The following IQCJ variants were observed in gnomAD, a reference collection of about 807,000 sequenced individuals.
IQCJ encodes the protein IQ motif containing J.
In IQCJ, 9 loss-of-function variants were observed where a neutral mutation model predicts 11.0. That is an observed-to-expected ratio of 0.82 (90% CI 0.49 to 1.43). The LOEUF (loss-of-function observed/expected upper bound fraction) is 1.43, where lower values mean the gene tolerates loss of function less well. Ranked by LOEUF, IQCJ falls within the 40% of genes most tolerant of loss-of-function variation. IQCJ has a pLI of 0.00. For missense variants in IQCJ, 146 were observed against 133.2 expected, an observed-to-expected ratio of 1.10 and a Z score of -0.47; for synonymous variants, 55 against 51.3, an observed-to-expected ratio of 1.07 and a Z score of -0.31.
At chr3:159,138,126 G>A (rs1047060875) in intron 1 of IQCJ, among the ~76,000 whole-genome samples, 5 of 152,164 alleles carry the variant, frequency 3.3e-5, no homozygotes, top group African/African-American at 9.6e-5. Flanking sequence ...GCACAGTGAC[G>A]TGTTCCTGCC....
At chr3:159,155,577 A>G (rs1210606664) in intron 1 of IQCJ, among the ~76,000 whole-genome samples, 1 of 152,244 alleles carries the variant, frequency 6.6e-6, no homozygotes, top group Non-Finnish European at 1.5e-5. Context: ...CTAGTCTTTT[A>G]TAATATCAAA....
chr3:159,175,361 C>T (rs1008817353), intron 1 of IQCJ, among the ~76,000 whole-genome samples: 8 of 152,144 alleles, frequency 5.3e-5, no homozygotes, highest in Non-Finnish European at 1.2e-4. Context: ...GTCCCAGCTA[C>T]TCTGGAAGCT....
chr3:159,248,094 A>G (rs1727378977), intron 2 of IQCJ, among the ~76,000 whole-genome samples: 1 of 152,214 alleles, frequency 6.6e-6, no homozygotes, highest in African/African-American at 2.4e-5. Flanking sequence ...TTGTCAGTCC[A>G]GACAAAATTT....
At chr3:159,223,079 A>G (rs1245708050) in intron 1 of IQCJ, among the ~76,000 whole-genome samples, 4 of 152,170 alleles carry the variant, frequency 2.6e-5, no homozygotes, top group Non-Finnish European at 4.4e-5. Flanking sequence ...GATTTTATAT[A>G]CTTGAAAACA....
At chr3:159,089,194 G>T (rs1717039730) in intron 1 of IQCJ, among the ~76,000 whole-genome samples, 1 of 152,036 alleles carries the variant, frequency 6.6e-6, no homozygotes, top group Non-Finnish European at 1.5e-5. Context: ...AGTTTGGCTG[G>T]ATATGAAGTT....
At chr3:159,072,528 T>C (rs1271250730) in intron 1 of IQCJ, among the ~76,000 whole-genome samples, 1 of 152,120 alleles carries the variant, frequency 6.6e-6, no homozygotes, top group African/African-American at 2.4e-5. Context: ...AAATTAATAT[T>C]CACTAACCTT....
intron 1 of IQCJ, among the ~76,000 whole-genome samples, chr3:159,225,013 A>G (rs1233070373): frequency 6.6e-6 from 1 of 152,192 alleles, no homozygotes; most frequent in Non-Finnish European, 1.5e-5. Flanking sequence ...CATATAACCC[A>G]TAAAATTTGG....
chr3:159,150,581 C>T (rs942191688), intron 1 of IQCJ, among the ~76,000 whole-genome samples: 2 of 139,108 alleles, frequency 1.4e-5, no homozygotes, highest in Non-Finnish European at 3.1e-5. Flanking sequence ...TGCATTGTCC[C>T]CAACACACAC....
At chr3:159,084,519 G>C (rs1716571488) in intron 1 of IQCJ, among the ~76,000 whole-genome samples, 1 of 152,118 alleles carries the variant, frequency 6.6e-6, no homozygotes, top group African/African-American at 2.4e-5. Flanking sequence ...GAGACATTGT[G>C]CATCCTGTAG....
intron 1 of IQCJ, among the ~76,000 whole-genome samples, chr3:159,080,541 T>C (rs1383458045): frequency 2.6e-5 from 4 of 152,172 alleles, no homozygotes; most frequent in Admixed American, 6.6e-5. Context: ...ATCTGAATAA[T>C]TGGTCTAATA....
At chr3:159,181,663 C>T (rs1354586243) in intron 1 of IQCJ, among the ~76,000 whole-genome samples, 1 of 151,630 alleles carries the variant, frequency 6.6e-6, no homozygotes, top group African/African-American at 2.4e-5. Flanking sequence ...TGAATTGCTT[C>T]ATCTACCCAG....
intron 1 of IQCJ, among the ~76,000 whole-genome samples, chr3:159,206,825 A>T (rs1480651704): frequency 6.6e-6 from 1 of 152,108 alleles, no homozygotes; most frequent in Non-Finnish European, 1.5e-5. Context: ...CTTTTGTTTG[A>T]TTCTTCATTA....
At chr3:159,082,535 GA>G (rs141825357) in intron 1 of IQCJ, among the ~76,000 whole-genome samples, 2,816 of 147,782 alleles carry the variant, frequency 0.019, 99 homozygotes, top group African/African-American at 0.066. Context: ...AGAGGCCCAG[GA>G]AAAAAAAAAT....
At chr3:159,104,582 T>A (rs76049608) in intron 1 of IQCJ, among the ~76,000 whole-genome samples, 1 of 152,204 alleles carries the variant, frequency 6.6e-6, no homozygotes, top group African/African-American at 2.4e-5. Context: ...AAATCCCCCA[T>A]GCATTATTTA....
At chr3:159,208,826 G>T (rs1170576950) in intron 1 of IQCJ, among the ~76,000 whole-genome samples, 1 of 152,164 alleles carries the variant, frequency 6.6e-6, no homozygotes. Context: ...GGATTAGGGA[G>T]TATTCTAAAT....
At chr3:159,258,302 A>C (rs1577121519) in intron 3 of IQCJ, among the ~76,000 whole-genome samples, 1 of 152,248 alleles carries the variant, frequency 6.6e-6, no homozygotes, top group East Asian at 1.9e-4. Flanking sequence ...CCTTTAATAG[A>C]CCTGGCTTGA....
At chr3:159,125,746 G>A (rs1388751147) in intron 1 of IQCJ, among the ~76,000 whole-genome samples, 3 of 152,190 alleles carry the variant, frequency 2.0e-5, no homozygotes, top group Non-Finnish European at 4.4e-5. Context: ...TTGGAAGATA[G>A]GACAACATTC....
chr3:159,257,725 C>T (rs1035182292), intron 3 of IQCJ, among the ~76,000 whole-genome samples: 1 of 152,190 alleles, frequency 6.6e-6, no homozygotes, highest in Non-Finnish European at 1.5e-5. Flanking sequence ...GTTAGGATAG[C>T]TTTTAGCTAG....
chr3:159,240,813 G>A (rs1306367633), intron 1 of IQCJ, among the ~76,000 whole-genome samples: 1 of 151,982 alleles, frequency 6.6e-6, no homozygotes, highest in Non-Finnish European at 1.5e-5. Context: ...GGCTGGTCTT[G>A]AACTGCTAAC....
Sources: gnomAD v4.1 joint callset for allele counts (sites outside exome capture counted in the v4.1 genomes callset) on GRCh38, gnomAD v4.1.1 for gene constraint, MANE v1.5 for transcripts, NCBI Gene and HGNC (gene_info 2026-07-23, HGNC 2026-07-21) for gene names.